GRHL3: variants seen among roughly 807,000 people sequenced by gnomAD.
GRHL3 encodes the protein grainyhead-like protein 3 homolog.
Under a neutral mutation model 70.3 loss-of-function variants are expected in GRHL3, and 20 were observed. The observed-to-expected ratio is 0.28, with a 90% CI of 0.20 to 0.41. The LOEUF (loss-of-function observed/expected upper bound fraction) is 0.41, where lower values mean the gene tolerates loss of function less well. Among genes scored for constraint, GRHL3 ranks in the 10% least tolerant of loss-of-function variants. The probability of loss-of-function intolerance (pLI) is 1.00; values close to 1 mark genes in which losing one functional copy is unlikely to be tolerated. For synonymous variants in GRHL3, 299 were observed against 299.9 expected (o/e 1.00, Z 0.03); for missense variants, 637 against 762.3 (o/e 0.84, Z 1.94).
At chr1:24,348,460 G>C (rs1433298116) in intron 14 of GRHL3, among the ~76,000 whole-genome samples, 2 of 152,174 alleles carry the variant, frequency 1.3e-5, no homozygotes, top group Admixed American at 6.5e-5. Context: ...CGTCAGCCCT[G>C]CTCGGCATCA....
At position 24,342,712 on chromosome 1, in the gene GRHL3, C is replaced by T. The variant is rs770938921; in HGVS notation, c.1225C>T (p.Arg409Cys). 7 of 1,614,148 alleles carry T rather than the reference C, an allele frequency of 4.3e-6. No homozygotes were observed. Among genetic ancestry groups the T allele is most frequent in the Admixed American group, 3.3e-5 (2 of 60,020 alleles). Reference protein sequence around the residue: ...FCDKGAERKMRDDERKQFRRK... With the variant: ...FCDKGAERKMCDDERKQFRRK... ...CCTGCAGGGAGCTGAGAGGAAGATG[C>T]GCGATGACGAGCGGAAGCAGTTCCG... The change falls in exon 10 of 16, where the codon CGC becomes TGC. Residue 409 changes from arginine (R) to cysteine (C), a missense_variant. By Grantham distance (180) the Arg-to-Cys change is radical. Around this residue, in one of 2 missense-constraint regions of GRHL3, gnomAD observed 387 missense variants for 513.8 expected, o/e 0.75. Coordinates refer to ENST00000361548, the MANE Select transcript of GRHL3 (RefSeq NM_198173.3). This position sits in a 1 kb window ranked among gnomAD's most constrained non-coding sequence, Gnocchi z 4.8.
intron 7 of GRHL3, among the ~76,000 whole-genome samples, chr1:24,338,861 T>G (rs1639927743): frequency 6.6e-6 from 1 of 152,228 alleles, no homozygotes; most frequent in Non-Finnish European, 1.5e-5. Context: ...ACCAAACCTC[T>G]CTGAGCTTCG....
At chr1:24,324,699 A>G (rs1411684219) in intron 1 of GRHL3, among the ~76,000 whole-genome samples, 1 of 152,162 alleles carries the variant, frequency 6.6e-6, no homozygotes, top group Non-Finnish European at 1.5e-5. Flanking sequence ...ATTGCCTCAC[A>G]TTTTGCAGGT....
intron 15 of GRHL3, among the ~76,000 whole-genome samples, chr1:24,352,161 T>C (rs1007890066): frequency 6.6e-6 from 1 of 152,152 alleles, no homozygotes; most frequent in Non-Finnish European, 1.5e-5. Context: ...CTGAAATGTC[T>C]GAATGACAGT....
chr1:24,335,731 C>T (rs1302656172), intron 3 of GRHL3, among the ~76,000 whole-genome samples: 3 of 152,010 alleles, frequency 2.0e-5, no homozygotes, highest in Non-Finnish European at 1.5e-5. Flanking sequence ...TACAGGCTCC[C>T]GCCACCTCGC....
intron 15 of GRHL3, among the ~76,000 whole-genome samples, chr1:24,362,894 T>C (rs999842901): frequency 2.0e-5 from 3 of 152,226 alleles, no homozygotes; most frequent in Non-Finnish European, 4.4e-5. Flanking sequence ...TGAATCTGCA[T>C]GGAAGAACTG....
chr1:24,351,881 A>T (rs1317888483), intron 15 of GRHL3, among the ~76,000 whole-genome samples: 2 of 152,178 alleles, frequency 1.3e-5, no homozygotes, highest in Non-Finnish European at 2.9e-5. Context: ...CTCTGTTTGT[A>T]CGTATGGGGA....
chr1:24,339,570 C>G (rs1639960258), intron 7 of GRHL3, 98 bp from the exon 8 acceptor site: 1 of 763,998 alleles, frequency 1.3e-6, no homozygotes, highest in Non-Finnish European at 2.2e-6. Flanking sequence ...TGAGAAACCA[C>G]GCCCGGCCGA....
At chr1:24,344,482 C>CT (rs1010377515) in intron 11 of GRHL3, among the ~76,000 whole-genome samples, 3 of 121,340 alleles carry the variant, frequency 2.5e-5, no homozygotes, top group African/African-American at 1.1e-4. Flanking sequence ...CTCTTTCCCC[C>CT]CAGAAAAAAA....
downstream of GRHL3, chr1:24,358,771 C>T (rs1190783222): frequency 6.5e-6 from 4 of 613,716 alleles, no homozygotes; most frequent in East Asian, 2.7e-5. Context: ...GGAACTGGCC[C>T]GAGGTTATTT....
Position 24,334,771 on chromosome 1 carries a change from AC to A in GRHL3, c.266+66del. On this transcript the variant is annotated intron_variant, in intron 3 of 15. Transcript: ENST00000361548. This position sits in a 1 kb window ranked among gnomAD's most constrained non-coding sequence, Gnocchi z 4.3. ...CACCTCCACCTGGAGCCTCTTCCAC[AC>A]AGGTTTGACTTATCCATTAGGCACA... is the stretch of plus-strand genomic sequence containing the variant. 2 of 1,340,176 alleles carry A rather than the reference AC, an allele frequency of 1.5e-6. No individual in the cohort carries two copies. Among genetic ancestry groups the A allele is most frequent in the Non-Finnish European group, 2.1e-6 (2 of 944,682 alleles). 83.0% of individuals were successfully genotyped at this position (1,340,176 alleles called of 1,614,324 possible).
Position 24,336,674 on chromosome 1 carries a change from C to A in GRHL3, c.459C>A (p.Ser153Arg). 6.2e-7 allele frequency: 1 copy of A among 1,614,146 alleles called. No individual in the cohort carries two copies. The highest frequency in any genetic ancestry group is 8.5e-7 in the Non-Finnish European group (1 of 1,180,016). ...GKAAPLPAGP[S>R]KLEAGSVDSY... ...CAGCTCCCCTCCCTGCAGGCCCCAGCAAGCTGGAGGCCGGCTCTGTGGACA... is the reference window on the plus strand; with the variant it reads ...CAGCTCCCCTCCCTGCAGGCCCCAGAAAGCTGGAGGCCGGCTCTGTGGACA... Residue 153 changes from serine to arginine, a missense_variant, in exon 4 of 16, where the codon AGC (serine) becomes AGA (arginine). Ser to Arg is a moderately radical substitution (Grantham distance 110). Coordinates refer to ENST00000361548, the MANE Select transcript of GRHL3 (RefSeq NM_198173.3).
rs1369339724 is a variant in GRHL3 at position 24,321,302 on chromosome 1, C to T, written c.17+1734C>T. Among the ~76,000 whole-genome samples, 1 of 152,216 alleles carries T rather than the reference C, an allele frequency of 6.6e-6. No homozygotes were observed. Among genetic ancestry groups the T allele is most frequent in the African/African-American group, 2.4e-5 (1 of 41,448 alleles). ...CAGTTTGGGGTGGGGTGAGGGAAGC[C>T]AGTTGCCTGCTGAGTAATTGCAGGC... On this transcript the variant is annotated intron_variant, in intron 1 of 15. Coordinates refer to ENST00000361548, the MANE Select transcript of GRHL3 (RefSeq NM_198173.3). The surrounding 1 kb of genome is among the most constrained non-coding windows in gnomAD (Gnocchi z 4.0).
At chr1:24,324,533 T>C (rs1231797929) in intron 1 of GRHL3, among the ~76,000 whole-genome samples, 1 of 152,240 alleles carries the variant, frequency 6.6e-6, no homozygotes, top group Non-Finnish European at 1.5e-5. Flanking sequence ...GCTGATCGCT[T>C]TACCTGCATT....
chr1:24,339,787 G>C, intron 8 of GRHL3, 25 bp downstream of exon 8: 1 of 1,522,344 alleles, frequency 6.6e-7, no homozygotes, highest in Non-Finnish European at 9.1e-7. Flanking sequence ...CAGTGGCTGG[G>C]ATGGGACTGG....
Position 24,354,700 on chromosome 1 carries a change from G to C in GRHL3, c.*212G>C. The C allele has an allele frequency of 2.1e-6, 1 of 485,734 alleles. No homozygotes were observed. The allele number at this position is 485,734 out of a possible 1,614,324, so 30.1% of individuals were successfully genotyped here. A position where few individuals can be genotyped will look rare whatever the true frequency, so the allele number is the denominator to read the frequency against. On this transcript the variant is annotated 3_prime_UTR_variant, in exon 16 of 16. Coordinates refer to ENST00000361548, the MANE Select transcript of GRHL3 (RefSeq NM_198173.3). ...GGATCCCCATGGTATGCTTGAATCT[G>C]CTCCCTGAACTTCCTGCCAGTGCCT...
At chr1:24,354,287 T>C (rs951469750) in intron 15 of GRHL3, 87 bp from the exon 16 acceptor site, 3 of 828,878 alleles carry the variant, frequency 3.6e-6, no homozygotes, top group Non-Finnish European at 5.9e-6. Context: ...ACCCACTGGG[T>C]ATGACCCATC....
chr1:24,327,450 AG>A (rs1330801533), intron 1 of GRHL3, among the ~76,000 whole-genome samples: 4 of 152,230 alleles, frequency 2.6e-5, no homozygotes, highest in African/African-American at 9.7e-5. Flanking sequence ...AGGAAATAGA[AG>A]GGCTAAGTGC....
At chr1:24,345,930 G>T (rs533239879) in intron 12 of GRHL3, among the ~76,000 whole-genome samples, 1 of 152,248 alleles carries the variant, frequency 6.6e-6, no homozygotes, top group African/African-American at 2.4e-5. Flanking sequence ...CTTTTCACTT[G>T]GTGCTTTCAC....
Sources: gnomAD v4.1 joint callset for allele counts (sites outside exome capture counted in the v4.1 genomes callset) on GRCh38, gnomAD v4.1.1 for gene constraint, gnomAD v4.1.1 regional missense constraint, Gnocchi (gnomAD v3.1) non-coding constraint, MANE v1.5 for transcripts, NCBI Gene and HGNC (gene_info 2026-07-23, HGNC 2026-07-21) for gene names.